Variants in TRDMT1 observed in about 807,000 individuals in gnomAD.
TRDMT1 encodes tRNA (cytosine(38)-C(5))-methyltransferase.
Under a neutral mutation model 51.2 loss-of-function variants are expected in TRDMT1, and 49 were observed. The observed-to-expected ratio is 0.96, with a 90% CI of 0.76 to 1.21. TRDMT1 has a LOEUF of 1.21. TRDMT1 is among the 50% of genes most tolerant of loss of function. TRDMT1 has a pLI of 0.00. For synonymous variants in TRDMT1, 187 were observed against 164.6 expected (o/e 1.14, Z -1.04); for missense variants, 534 against 462.3 (o/e 1.16, Z -1.42).
intron 1 of TRDMT1, 171 bp downstream of exon 1, chr10:17,201,400 G>A: frequency 1.7e-6 from 1 of 597,034 alleles, no homozygotes; most frequent in Non-Finnish European, 2.8e-6. Context: ...GTCTGGAGGG[G>A]TGGACACGGC....
chr10:17,159,300 T>G (rs79725901), intron 6 of TRDMT1, 71 bp from the exon 7 acceptor site: 2 of 1,104,362 alleles, frequency 1.8e-6, no homozygotes, highest in African/African-American at 1.6e-5. Flanking sequence ...AGCACCAAGT[T>G]AAACAGCAAC....
intron 1 of TRDMT1, among the ~76,000 whole-genome samples, chr10:17,181,044 C>A (rs1843221749): frequency 6.6e-6 from 1 of 152,108 alleles, no homozygotes; most frequent in Non-Finnish European, 1.5e-5. Context: ...ACATTTATTT[C>A]TTCCTCCTCT....
In TRDMT1 at chr10:17,144,808, C is replaced by A; in HGVS notation, c.*4232G>T. On this transcript the variant is annotated 3_prime_UTR_variant, in exon 11 of 11. Transcript: ENST00000377799. Reference sequence around the variant, plus strand: ...CTAGAAACAACAACAACAAAAAATACTTTTTCTTTTTTTTTTTAAACTGAA... The same window carrying A: ...CTAGAAACAACAACAACAAAAAATAATTTTTCTTTTTTTTTTTAAACTGAA... 1 of 984,750 alleles carries A rather than the reference C, an allele frequency of 1.0e-6. No individual in the cohort carries two copies. The highest frequency in any genetic ancestry group is 4.7e-5 in the South Asian group (1 of 21,252). 61.0% of individuals were successfully genotyped at this position (984,750 alleles called of 1,614,324 possible). A position where few individuals can be genotyped will look rare whatever the true frequency, so the allele number is the denominator to read the frequency against.
intron 1 of TRDMT1, among the ~76,000 whole-genome samples, chr10:17,184,103 T>C (rs1371876016): frequency 6.6e-6 from 1 of 152,186 alleles, no homozygotes; most frequent in Non-Finnish European, 1.5e-5. Context: ...CACATGCTTA[T>C]AGAAGTCAAA....
Position 17,138,389 on chromosome 10 carries a change from T to A in TRDMT1, c.*10651A>T, listed in dbSNP as rs1014522926. On this transcript the variant is annotated 3_prime_UTR_variant, in exon 11 of 11. Transcript: ENST00000377799. The stretch of plus-strand genomic sequence containing the variant: ...CAGTTTTGTGATTTTCTGCAAAATT[T>A]CAGGGCAATATAACATTGTTCCAAT... 6.6e-6 allele frequency among the ~76,000 whole-genome samples: 1 copy of A among 152,232 alleles called. No homozygotes were observed. The highest frequency in any genetic ancestry group is 6.5e-5 in the Admixed American group (1 of 15,286).
rs1398946969 is a variant in TRDMT1, at chr10:17,156,955, T to C, written c.887+486A>G. Reference sequence around the variant, plus strand: ...CTTACAATCTTAGTTATCTTTTGAATTGGAAACCTTGGGCATATATTACTT... The same window carrying C: ...CTTACAATCTTAGTTATCTTTTGAACTGGAAACCTTGGGCATATATTACTT... On this transcript the variant is annotated intron_variant, in intron 8 of 10. Coordinates refer to ENST00000377799, the MANE Select transcript of TRDMT1 (RefSeq NM_004412.7). Among the ~76,000 whole-genome samples the C allele has an allele frequency of 2.6e-5, 4 of 152,188 alleles. No homozygotes were observed. In the East Asian group the frequency reaches 5.8e-4, roughly 22 times the overall value.
chr10:17,167,233 A>C (rs1416134983), intron 3 of TRDMT1, among the ~76,000 whole-genome samples: 4 of 152,214 alleles, frequency 2.6e-5, no homozygotes, highest in Admixed American at 6.5e-5. Flanking sequence ...GAATTGTTTA[A>C]ATAAATCCAA....
chr10:17,143,073 G>C lies in TRDMT1; in HGVS notation c.*5967C>G. On this transcript the variant is annotated 3_prime_UTR_variant, in exon 11 of 11. Transcript: ENST00000377799. ...TTTTTAAATCATGTGTTCCAGACTT[G>C]AGTAACTTTGGCTGTTCCTCTGGGC... 1 of 985,444 alleles carries C rather than the reference G, an allele frequency of 1.0e-6. No individual in the cohort carries two copies. Among genetic ancestry groups the C allele is most frequent in the Non-Finnish European group, 1.2e-6 (1 of 829,928 alleles). The allele number at this position is 985,444 out of a possible 1,614,324, so 61.0% of individuals were successfully genotyped here. A position where few individuals can be genotyped will look rare whatever the true frequency, so the allele number is the denominator to read the frequency against.
intron 10 of TRDMT1, chr10:17,153,223 C>G (rs1185293510): frequency 1.1e-5 from 5 of 463,434 alleles, no homozygotes; most frequent in Non-Finnish European, 1.9e-5. Flanking sequence ...CTATGCACAG[C>G]CATCTGTGGA....
In TRDMT1 at chr10:17,143,644, A is replaced by G. The variant is rs1837861457; in HGVS notation, c.*5396T>C. The G allele has an allele frequency of 1.0e-6, 1 of 985,476 alleles. No homozygotes were observed. The highest frequency in any genetic ancestry group is 1.7e-5 in the African/African-American group (1 of 57,370). 61.0% of individuals were successfully genotyped at this position (985,476 alleles called of 1,614,324 possible). On this transcript the variant is annotated 3_prime_UTR_variant, in exon 11 of 11. Transcript: ENST00000377799. ...GACATGTTTAACCAAGCACACAAAT[A>G]TGATTGCAAATATATGTGTGGGTGT...
rs57329256 is a variant in TRDMT1, at chr10:17,140,739, A to AAAGT, written c.*8300_*8301insACTT. On this transcript the variant is annotated 3_prime_UTR_variant, in exon 11 of 11. Transcript: ENST00000377799. ...CATTGATGAAAACAAAAACAACAAA[A>AAAGT]AAGATCACATTCAATTGAAAAATAT... 0.95 allele frequency among the ~76,000 whole-genome samples: 143,837 copies of AAAGT among 152,104 alleles called. 68,389 individuals are homozygous for AAAGT. The highest frequency in any genetic ancestry group is 1 in the Non-Finnish European group (67,829 of 68,022).
Position 17,144,192 on chromosome 10 carries a change from G to A in TRDMT1, c.*4848C>T, listed in dbSNP as rs1837915093. On this transcript the variant is annotated 3_prime_UTR_variant, in exon 11 of 11. Coordinates refer to ENST00000377799, the MANE Select transcript of TRDMT1 (RefSeq NM_004412.7). ...TTTCTCTCTTTCACTCTCATCCTCT[G>A]ACCCTCTAGGTGATCTCATCTGATT... The A allele has an allele frequency of 1.0e-6, 1 of 985,542 alleles. No homozygotes were observed. 61.0% of individuals were successfully genotyped at this position (985,542 alleles called of 1,614,324 possible). A position where few individuals can be genotyped will look rare whatever the true frequency, so the allele number is the denominator to read the frequency against.
chr10:17,176,374 C>A (rs989668854), intron 1 of TRDMT1, among the ~76,000 whole-genome samples: 1 of 152,104 alleles, frequency 6.6e-6, no homozygotes, highest in Non-Finnish European at 1.5e-5. Context: ...TGTGCTGAAT[C>A]TGCACTGTAA....
At chr10:17,171,677 G>T (rs1842044756) in intron 2 of TRDMT1, 1 of 152,124 alleles carries the variant, frequency 6.6e-6, no homozygotes, top group Non-Finnish European at 1.5e-5. Flanking sequence ...CATATTTTTT[G>T]TGTCTCACTG....
chr10:17,144,549 AAGACTC>A lies in TRDMT1; in HGVS notation c.*4485_*4490del. On this transcript the variant is annotated 3_prime_UTR_variant, in exon 11 of 11. Transcript: ENST00000377799. Reference sequence around the variant, plus strand: ...GTAAGTGCTGGATGTGGCTGAAAGTAAGACTCAGAATCTATGGTAAATATAAAGCCA... The same window carrying A: ...GTAAGTGCTGGATGTGGCTGAAAGTAAGAATCTATGGTAAATATAAAGCCA... 1 of 985,804 alleles carries A rather than the reference AAGACTC, an allele frequency of 1.0e-6. No individual in the cohort carries two copies. Among genetic ancestry groups the A allele is most frequent in the Non-Finnish European group, 1.2e-6 (1 of 829,926 alleles). 61.1% of individuals were successfully genotyped at this position (985,804 alleles called of 1,614,324 possible). A position where few individuals can be genotyped will look rare whatever the true frequency, so the allele number is the denominator to read the frequency against.
chr10:17,167,650 T>A (rs1024647892), intron 3 of TRDMT1, among the ~76,000 whole-genome samples: 2 of 152,192 alleles, frequency 1.3e-5, no homozygotes, highest in African/African-American at 4.8e-5. Context: ...ATATATAATT[T>A]TTTAAATGAA....
rs575825063 is a variant in TRDMT1, at chr10:17,162,061, G to C, written c.323+105C>G. 5.4e-6 allele frequency: 5 copies of C among 925,954 alleles called. No individual in the cohort carries two copies. The South Asian group carries it at 7.2e-5, about 13-fold the overall frequency. 57.4% of individuals were successfully genotyped at this position (925,954 alleles called of 1,614,324 possible). On this transcript the variant is annotated intron_variant, in intron 4 of 10. Transcript: ENST00000377799. ...AAATGACAGGCCCAATATCTCAAGG[G>C]AGCATGTATAAATGGCTATCCTCTA...
intron 1 of TRDMT1, among the ~76,000 whole-genome samples, chr10:17,176,684 T>C (rs775364112): frequency 1.4e-4 from 22 of 152,286 alleles, no homozygotes; most frequent in Non-Finnish European, 2.5e-4. Context: ...CTTCTCAAAA[T>C]AGAATTGGGG....
intron 1 of TRDMT1, among the ~76,000 whole-genome samples, chr10:17,176,157 TC>T (rs1842594328): frequency 6.6e-6 from 1 of 152,182 alleles, no homozygotes; most frequent in African/African-American, 2.4e-5. Flanking sequence ...ATAATTCAAG[TC>T]AAGAATTAAG....
Sources: allele counts gnomAD v4.1 joint callset (sites outside exome capture counted in the v4.1 genomes callset), GRCh38; gene constraint gnomAD v4.1.1; transcripts MANE v1.5; gene names NCBI Gene and HGNC (gene_info 2026-07-23, HGNC 2026-07-21).